The following CEP89 variants were observed in gnomAD, a reference collection of about 807,000 sequenced individuals.
CEP89 encodes the protein centrosomal protein 89.
Under a neutral mutation model 97.6 loss-of-function variants are expected in CEP89, and 95 were observed. The ratio of observed to expected loss-of-function variants is 0.97; its 90% confidence interval spans 0.82 to 1.15. CEP89 has a LOEUF of 1.15. Among genes scored for constraint, CEP89 ranks in the 50% most tolerant of loss-of-function variants. The probability of loss-of-function intolerance (pLI) is 0.00; values close to 1 mark genes in which losing one functional copy is unlikely to be tolerated. For missense variants in CEP89, 869 were observed against 947.7 expected (o/e 0.92, Z 1.09); for synonymous variants, 354 against 349.1 (o/e 1.01, Z -0.16).
At chr19:32,940,784 C>T (rs114244506) in intron 5 of CEP89, among the ~76,000 whole-genome samples, 1,943 of 144,624 alleles carry the variant, frequency 0.013, 51 homozygotes, top group African/African-American at 0.046. Flanking sequence ...TTTTTTGAGA[C>T]GGAGTCTCAC....
chr19:32,915,475 G>A lies in CEP89; in HGVS notation c.1427C>T (p.Thr476Ile), dbSNP rs773582956. Residue 476 changes from threonine to isoleucine, a missense_variant, in exon 14 of 19, where the codon ACC becomes ATC. Coordinates refer to ENST00000305768, the MANE Select transcript of CEP89 (RefSeq NM_032816.5). ...CGCCAGCTCCTTTTCCTGGCCGTGG[G>A]TTTTTGCCTCCAGGAGCATTAGTTG... ...TKQLMLLEAK[T>I]HGQEKELAEN... 1.9e-6 allele frequency: 3 copies of A among 1,612,512 alleles called. No individual in the cohort carries two copies. Among genetic ancestry groups the A allele is most frequent in the South Asian group, 1.1e-5 (1 of 90,448 alleles).
At chr19:32,940,759 G>A (rs189059255) in intron 5 of CEP89, among the ~76,000 whole-genome samples, 5 of 151,042 alleles carry the variant, frequency 3.3e-5, no homozygotes, top group Non-Finnish European at 7.4e-5. Flanking sequence ...GTTGGACATC[G>A]AGTTGCTTTT....
intron 2 of CEP89, among the ~76,000 whole-genome samples, chr19:32,963,094 G>A (rs1042032543): frequency 6.6e-6 from 1 of 152,182 alleles, no homozygotes; most frequent in African/African-American, 2.4e-5. Context: ...GGTAGCTCAC[G>A]CCTGTAATCC....
At chr19:32,910,297 G>A (rs898915330) in intron 14 of CEP89, among the ~76,000 whole-genome samples, 3 of 143,954 alleles carry the variant, frequency 2.1e-5, no homozygotes, top group Non-Finnish European at 4.6e-5. Context: ...GAGCGAGAGA[G>A]AGAGGGAGGG....
At chr19:32,894,796 C>T (rs1427812209) in intron 16 of CEP89, among the ~76,000 whole-genome samples, 2 of 152,330 alleles carry the variant, frequency 1.3e-5, no homozygotes, top group Admixed American at 1.3e-4. Flanking sequence ...GTCTCTTACT[C>T]TGTCTCTCAG....
intron 14 of CEP89, among the ~76,000 whole-genome samples, chr19:32,906,759 A>C (rs57948858): frequency 0.25 from 37,757 of 148,920 alleles, 5,184 homozygotes; most frequent in Admixed American, 0.34. Flanking sequence ...AAATATATAT[A>C]CATACATATA....
intron 17 of CEP89, among the ~76,000 whole-genome samples, chr19:32,883,338 T>C (rs1389329415): frequency 3.3e-5 from 5 of 152,248 alleles, no homozygotes; most frequent in Non-Finnish European, 4.4e-5. Context: ...TGCTTATTAA[T>C]TTCTGTTTTT....
At chr19:32,929,475 G>A (rs536371233) in intron 9 of CEP89, among the ~76,000 whole-genome samples, 4 of 152,178 alleles carry the variant, frequency 2.6e-5, no homozygotes, top group East Asian at 1.9e-4. Context: ...AGTGGAACAC[G>A]CCTGGAATCC....
At chr19:32,923,683 G>A (rs1970299165) in intron 11 of CEP89, 141 bp from the exon 12 acceptor site, 5 of 621,444 alleles carry the variant, frequency 8.0e-6, no homozygotes, top group African/African-American at 5.5e-5. Flanking sequence ...TTCAACTCTC[G>A]GTACCAGCAC....
intron 18 of CEP89, among the ~76,000 whole-genome samples, chr19:32,880,897 C>T (rs1284132214): frequency 6.6e-6 from 1 of 152,070 alleles, no homozygotes; most frequent in Non-Finnish European, 1.5e-5. Flanking sequence ...ATCTCAGGAC[C>T]CACTCTTGTC....
intron 11 of CEP89, among the ~76,000 whole-genome samples, chr19:32,924,009 T>C (rs1970306355): frequency 6.7e-6 from 1 of 149,862 alleles, no homozygotes; most frequent in Non-Finnish European, 1.5e-5. Flanking sequence ...AAGCTCTTTT[T>C]TTTTTTTTTT....
At chr19:32,971,605 T>G (rs1971411513) in intron 1 of CEP89, 1 of 598,254 alleles carries the variant, frequency 1.7e-6, no homozygotes, top group Admixed American at 3.0e-5. Flanking sequence ...TGCAGTGAGC[T>G]ATGATCGCAC....
intron 12 of CEP89, among the ~76,000 whole-genome samples, chr19:32,921,156 A>C (rs935785991): frequency 2.6e-5 from 4 of 151,050 alleles, no homozygotes; most frequent in African/African-American, 4.9e-5. Context: ...CAGGAGGTGG[A>C]GGTTGCAGTG....
At chr19:32,911,403 T>C (rs1969997593) in intron 14 of CEP89, among the ~76,000 whole-genome samples, 1 of 152,230 alleles carries the variant, frequency 6.6e-6, no homozygotes, top group African/African-American at 2.4e-5. Context: ...ATGCCTGGAA[T>C]CTCAGCACTT....
In CEP89 at chr19:32,966,867, T is replaced by C. The variant is rs777155599; in HGVS notation, c.40-401A>G. ...TTTTCGCTTTGTTTTGTTTTTGAGA[T>C]GGGGTCTTGCTCTGTTGCCCAGAGT... On this transcript the variant is annotated intron_variant, in intron 1 of 18. Coordinates refer to ENST00000305768, the MANE Select transcript of CEP89 (RefSeq NM_032816.5). Among the ~76,000 whole-genome samples the C allele has an allele frequency of 3.2e-4, 49 of 152,146 alleles. 1 individual carries two copies. The highest frequency in any genetic ancestry group is 5.9e-4 in the Non-Finnish European group (40 of 68,012).
At chr19:32,956,290 G>A (rs1209177243) in intron 3 of CEP89, among the ~76,000 whole-genome samples, 7 of 151,624 alleles carry the variant, frequency 4.6e-5, no homozygotes, top group African/African-American at 1.2e-4. Context: ...TGCTGACCTC[G>A]TGATCCGTCC....
intron 15 of CEP89, among the ~76,000 whole-genome samples, chr19:32,900,852 G>T (rs1383217287): frequency 6.7e-6 from 1 of 150,154 alleles, no homozygotes; most frequent in East Asian, 2.0e-4. Context: ...AAAAAGAAAA[G>T]ATTAAAAGAA....
chr19:32,889,241 A>T (rs896255690), intron 16 of CEP89, among the ~76,000 whole-genome samples: 3 of 152,136 alleles, frequency 2.0e-5, no homozygotes, highest in Non-Finnish European at 2.9e-5. Context: ...GCAAGGCTGT[A>T]GGGATGTGTC....
intron 14 of CEP89, among the ~76,000 whole-genome samples, chr19:32,904,158 C>CA (rs1166281396): frequency 1.3e-5 from 2 of 151,906 alleles, no homozygotes; most frequent in Non-Finnish European, 2.9e-5. Flanking sequence ...AGACCCTGTG[C>CA]AAAAAAGGGT....
Sources: allele counts gnomAD v4.1 joint callset (sites outside exome capture counted in the v4.1 genomes callset), GRCh38; gene constraint gnomAD v4.1.1; transcripts MANE v1.5; gene names NCBI Gene and HGNC (gene_info 2026-07-23, HGNC 2026-07-21).